Variants in HSF2BP observed in about 807,000 individuals in gnomAD.
The protein encoded by HSF2BP is heat shock transcription factor 2 binding protein, also known as heat shock factor 2-binding protein.
A neutral mutation model predicts 35.0 loss-of-function variants in HSF2BP; 35 were observed. The observed-to-expected ratio is 1.00, with a 90% CI of 0.76 to 1.32. The LOEUF (loss-of-function observed/expected upper bound fraction) is 1.32. Ranked by LOEUF, HSF2BP falls within the 40% of genes most tolerant of loss-of-function variation. HSF2BP has a pLI of 0.00. For missense variants in HSF2BP, 326 were observed against 321.7 expected (o/e 1.01, Z -0.10); for synonymous variants, 114 against 117.4 (o/e 0.97, Z 0.18).
At chr21:43,621,012 T>C (rs2082325441) in intron 6 of HSF2BP, among the ~76,000 whole-genome samples, 2 of 152,216 alleles carry the variant, frequency 1.3e-5, no homozygotes, top group South Asian at 4.2e-4. Flanking sequence ...GAAAGCTTAT[T>C]CAAAGAAATA....
chr21:43,630,177 A>AGACTACAGT (rs1217469511), intron 6 of HSF2BP, 145 bp downstream of exon 6: 4 of 557,998 alleles, frequency 7.2e-6, no homozygotes, highest in Admixed American at 3.9e-5. Flanking sequence ...TACATACAAC[A>AGACTACAGT]GACTACAGTA....
chr21:43,631,378 A>G (rs939738885), intron 5 of HSF2BP, among the ~76,000 whole-genome samples: 26 of 151,976 alleles, frequency 1.7e-4, no homozygotes, highest in Non-Finnish European at 1.5e-5. Flanking sequence ...CTGCCCGGCC[A>G]TCGCATCTGC....
Position 43,630,224 on chromosome 21 carries a change from A to G in HSF2BP, c.574+98T>C, listed in dbSNP as rs932752599. On this transcript the variant is annotated intron_variant, in intron 6 of 8. Transcript: ENST00000291560. ...TAATTTGTATATGCACTGGGAAACC[A>G]AAAACATTCATGTGACTCATGTATT... The G allele has an allele frequency of 5.2e-6, 6 of 1,148,198 alleles. No individual in the cohort carries two copies. The East Asian group carries it at 7.9e-5, about 15-fold the overall frequency. 71.1% of individuals were successfully genotyped at this position (1,148,198 alleles called of 1,614,324 possible). A position where few individuals can be genotyped will look rare whatever the true frequency, so the allele number is the denominator to read the frequency against.
At chr21:43,652,210 G>A (rs527497567) in intron 3 of HSF2BP, among the ~76,000 whole-genome samples, 40 of 151,902 alleles carry the variant, frequency 2.6e-4, no homozygotes, top group African/African-American at 9.7e-4. Context: ...CGAGACCAGC[G>A]TGGCCAATAT....
intron 6 of HSF2BP, among the ~76,000 whole-genome samples, chr21:43,630,013 C>T (rs1426916106): frequency 1.3e-5 from 2 of 152,210 alleles, no homozygotes; most frequent in African/African-American, 4.8e-5. Flanking sequence ...TCAGTAACTA[C>T]CACCCTGATC....
chr21:43,631,074 T>C (rs1335635361), intron 5 of HSF2BP, among the ~76,000 whole-genome samples: 1 of 152,220 alleles, frequency 6.6e-6, no homozygotes, highest in Admixed American at 6.5e-5. Flanking sequence ...AACTGGGTTG[T>C]GGTGATGGTT....
chr21:43,580,661 T>C (rs2146703581), intron 8 of HSF2BP, among the ~76,000 whole-genome samples: 2 of 152,374 alleles, frequency 1.3e-5, no homozygotes, highest in South Asian at 4.1e-4. Context: ...GCCCCGTGTT[T>C]ACACTAAAAG....
At chr21:43,601,963 T>C (rs913308244) in intron 7 of HSF2BP, among the ~76,000 whole-genome samples, 2 of 152,210 alleles carry the variant, frequency 1.3e-5, no homozygotes, top group African/African-American at 2.4e-5. Flanking sequence ...TGTCTGAAGA[T>C]TTCTTTTCAG....
chr21:43,619,881 A>G (rs2082312201), intron 6 of HSF2BP, among the ~76,000 whole-genome samples: 1 of 152,192 alleles, frequency 6.6e-6, no homozygotes, highest in Admixed American at 6.5e-5. Context: ...CACACAGTAG[A>G]AGGTATGTCC....
intron 3 of HSF2BP, among the ~76,000 whole-genome samples, chr21:43,646,110 G>T (rs914349038): frequency 2.0e-5 from 3 of 149,006 alleles, no homozygotes; most frequent in Admixed American, 6.7e-5. Flanking sequence ...TTGAGGCCAG[G>T]AGTTCGAGAC....
chr21:43,636,985 A>T (rs953087862), intron 4 of HSF2BP, among the ~76,000 whole-genome samples: 3 of 152,094 alleles, frequency 2.0e-5, no homozygotes. Flanking sequence ...GGCATTATTC[A>T]TAACAGTCAA....
chr21:43,653,477 C>A (rs1046145562), intron 3 of HSF2BP, among the ~76,000 whole-genome samples: 9 of 152,098 alleles, frequency 5.9e-5, no homozygotes, highest in Admixed American at 6.5e-5. Flanking sequence ...GCATAGGGTA[C>A]CATGACAACA....
intron 6 of HSF2BP, among the ~76,000 whole-genome samples, chr21:43,616,054 T>A (rs115068107): frequency 0.051 from 5,572 of 108,986 alleles, 112 homozygotes; most frequent in East Asian, 0.14. Flanking sequence ...AAAAAAAAAA[T>A]ATATATATAT....
chr21:43,658,093 C>T lies in HSF2BP; in HGVS notation c.4G>A (p.Gly2Ser), dbSNP rs1422913800. 11 of 1,534,692 alleles carry T rather than the reference C, an allele frequency of 7.2e-6. No homozygotes were observed. Among genetic ancestry groups the T allele is most frequent in the Non-Finnish European group, 9.6e-6 (11 of 1,145,492 alleles). Residue 2 changes from glycine (G) to serine (S), a missense_variant, in exon 2 of 9, where the codon GGC (glycine) becomes AGC (serine). Transcript: ENST00000291560. ...GCCTCCTCAGCGGCGCCCGCTTCGC[C>T]CATGGCCGCTGCCGCCTCCGCTCCG... MGEAGAAEEACR... is the reference protein window; with the variant it reads MSEAGAAEEACR...
intron 7 of HSF2BP, among the ~76,000 whole-genome samples, chr21:43,598,755 T>C (rs1267642100): frequency 6.6e-6 from 1 of 152,196 alleles, no homozygotes; most frequent in Non-Finnish European, 1.5e-5. Flanking sequence ...GCTACTCAAA[T>C]GTAGTGTTCA....
chr21:43,616,900 C>T lies in HSF2BP; in HGVS notation c.575-2953G>A, dbSNP rs142715293. Among the ~76,000 whole-genome samples the T allele has an allele frequency of 4.6e-3, 683 of 148,938 alleles. 9 individuals are homozygous for T. Among genetic ancestry groups the T allele is most frequent in the African/African-American group, 0.016 (644 of 40,366 alleles). Reference sequence around the variant, plus strand: ...GAGCTGAGATCACACCATTGCACTCCAGCCTGGGTGATAGAGCAAGACTCC... The same window carrying T: ...GAGCTGAGATCACACCATTGCACTCTAGCCTGGGTGATAGAGCAAGACTCC... On this transcript the variant is annotated intron_variant, in intron 6 of 8. Coordinates refer to ENST00000291560, the MANE Select transcript of HSF2BP (RefSeq NM_007031.2).
intron 7 of HSF2BP, among the ~76,000 whole-genome samples, chr21:43,602,076 A>G (rs1476757183): frequency 6.6e-6 from 1 of 152,180 alleles, no homozygotes; most frequent in Non-Finnish European, 1.5e-5. Flanking sequence ...GAAAGTGAGG[A>G]TTTGCTCTCA....
At chr21:43,598,634 C>T (rs950511280) in intron 7 of HSF2BP, among the ~76,000 whole-genome samples, 6 of 151,956 alleles carry the variant, frequency 3.9e-5, no homozygotes, top group African/African-American at 1.5e-4. Flanking sequence ...TCCTCAGCCT[C>T]CCAGCGGGCT....
intron 3 of HSF2BP, among the ~76,000 whole-genome samples, chr21:43,648,352 C>T (rs550865112): frequency 1.4e-4 from 21 of 152,264 alleles, no homozygotes; most frequent in African/African-American, 4.3e-4. Context: ...ATCCTCCCTG[C>T]TGGGCTTCAT....
Sources: gnomAD v4.1 joint callset for allele counts (sites outside exome capture counted in the v4.1 genomes callset) on GRCh38, gnomAD v4.1.1 for gene constraint, MANE v1.5 for transcripts, NCBI Gene and HGNC (gene_info 2026-07-23, HGNC 2026-07-21) for gene names.